The following CIROZ variants were observed in gnomAD, a reference collection of about 807,000 sequenced individuals.
CIROZ encodes the protein ciliated left-right organizer ZP-N domains-containing protein.
the CIROZ span, among the ~76,000 whole-genome samples, chr1:10,963,290 G>A: frequency 1.2e-4 from 19 of 152,208 alleles, no homozygotes; most frequent in African/African-American, 4.6e-4. Context: ...TTGGGAGGCT[G>A]AGGCAGGAGA....
the CIROZ span, chr1:10,948,786 G>A: frequency 5.3e-4 from 809 of 1,517,732 alleles, 10 homozygotes; most frequent in East Asian, 0.014. Context: ...GAGAATGGAG[G>A]CAGATGTCTG....
the CIROZ span, among the ~76,000 whole-genome samples, chr1:10,976,657 T>C: frequency 2.7e-5 from 4 of 150,486 alleles, no homozygotes; most frequent in Admixed American, 2.6e-4. Context: ...GCCCACTCGT[T>C]ATATTTCTTT....
chr1:10,954,690 G>C, the CIROZ span, among the ~76,000 whole-genome samples: 1 of 152,056 alleles, frequency 6.6e-6, no homozygotes. Context: ...GCCTAGGCAG[G>C]AGTGCAGTGG....
chr1:10,953,888 T>A, the CIROZ span: 1 of 1,314,576 alleles, frequency 7.6e-7, no homozygotes, highest in Non-Finnish European at 1.0e-6. Context: ...ACTTACCTTG[T>A]AGGTGTGGGA....
At chr1:10,958,359 T>G in the CIROZ span, among the ~76,000 whole-genome samples, 1 of 152,214 alleles carries the variant, frequency 6.6e-6, no homozygotes. Flanking sequence ...GAAACACCTG[T>G]GCAACATGGA....
chr1:10,948,591 G>A, the CIROZ span: 4 of 1,614,148 alleles, frequency 2.5e-6, no homozygotes, highest in Non-Finnish European at 3.4e-6. Context: ...AGGAGAGGAG[G>A]CATCTGAGGA....
At chr1:10,964,212 C>T in the CIROZ span, 3 of 1,614,088 alleles carry the variant, frequency 1.9e-6, no homozygotes, top group African/African-American at 1.3e-5. Flanking sequence ...AGCGATCACT[C>T]CGCTCCAACC....
chr1:10,951,213 C>T, the CIROZ span, among the ~76,000 whole-genome samples: 5 of 152,184 alleles, frequency 3.3e-5, no homozygotes, highest in Admixed American at 6.5e-5. Context: ...GCAGGAGGAT[C>T]ACTTGAGCCC....
chr1:10,964,797 A>C, the CIROZ span, among the ~76,000 whole-genome samples: 7 of 152,036 alleles, frequency 4.6e-5, no homozygotes, highest in Non-Finnish European at 1.0e-4. Flanking sequence ...CGCCCGTCTA[A>C]TTTTTGTATT....
At chr1:10,948,215 G>A in the CIROZ span, 1 of 1,613,908 alleles carries the variant, frequency 6.2e-7, no homozygotes, top group South Asian at 1.1e-5. Flanking sequence ...AAAGGTCCAT[G>A]TGCCCCCTGG....
chr1:10,969,039 G>A, the CIROZ span, among the ~76,000 whole-genome samples: 20 of 152,152 alleles, frequency 1.3e-4, no homozygotes, highest in African/African-American at 2.6e-4. Context: ...CTCCCAAGGC[G>A]TCCCGGGCTG....
the CIROZ span, among the ~76,000 whole-genome samples, chr1:10,969,554 A>C: frequency 6.6e-6 from 1 of 152,190 alleles, no homozygotes; most frequent in Non-Finnish European, 1.5e-5. Context: ...GCATAGCGGC[A>C]CCAGATGGGC....
At chr1:10,982,039 C>A in the CIROZ span, 1 of 1,537,250 alleles carries the variant, frequency 6.5e-7, no homozygotes, top group Non-Finnish European at 8.7e-7. Flanking sequence ...CCCCCACATC[C>A]TCAGGCCCAG....
chr1:10,948,141 G>A, the CIROZ span: 1 of 1,613,604 alleles, frequency 6.2e-7, no homozygotes, highest in Non-Finnish European at 8.5e-7. Context: ...GGAGAATGTG[G>A]CATCCCTCGC....
the CIROZ span, among the ~76,000 whole-genome samples, chr1:10,946,930 C>A: frequency 6.6e-6 from 1 of 152,200 alleles, no homozygotes; most frequent in Admixed American, 6.5e-5. Context: ...ATGGCTCAGG[C>A]CCTCCATGCT....
At chr1:10,952,322 C>T in the CIROZ span, among the ~76,000 whole-genome samples, 1 of 152,086 alleles carries the variant, frequency 6.6e-6, no homozygotes, top group Non-Finnish European at 1.5e-5. Context: ...ATTCTTTCCC[C>T]GTGTAAATCT....
the CIROZ span, among the ~76,000 whole-genome samples, chr1:10,956,721 C>T: frequency 2.6e-5 from 4 of 152,104 alleles, no homozygotes; most frequent in Non-Finnish European, 5.9e-5. Context: ...TCGTAATCCA[C>T]CCGCCGCGGC....
At chr1:10,975,990 T>A in the CIROZ span, among the ~76,000 whole-genome samples, 3 of 152,168 alleles carry the variant, frequency 2.0e-5, no homozygotes, top group Admixed American at 2.0e-4. Context: ...GAATGCCGCT[T>A]CCTTGTTGGG....
At chr1:10,952,694 G>A in the CIROZ span, among the ~76,000 whole-genome samples, 9 of 152,224 alleles carry the variant, frequency 5.9e-5, no homozygotes, top group East Asian at 1.5e-3. Flanking sequence ...CTTCTTTTAG[G>A]AGAGACAGGG....
Sources: allele counts gnomAD v4.1 joint callset (sites outside exome capture counted in the v4.1 genomes callset), GRCh38; gene constraint gnomAD v4.1.1; transcripts MANE v1.5; gene names NCBI Gene and HGNC (gene_info 2026-07-23, HGNC 2026-07-21).